Variants in DCBLD1 observed in about 807,000 individuals in gnomAD.
DCBLD1 encodes discoidin, CUB and LCCL domain containing 1, also known as discoidin, CUB and LCCL domain-containing protein 1.
A neutral mutation model predicts 71.5 loss-of-function variants in DCBLD1; 57 were observed. The ratio of observed to expected loss-of-function variants is 0.80; its 90% confidence interval spans 0.64 to 0.99. The LOEUF is 0.99. Ranked by LOEUF, DCBLD1 falls within the 50% of genes least tolerant of loss-of-function variation. The pLI is 0.00. For missense variants in DCBLD1, 891 were observed against 923.5 expected (o/e 0.96, Z 0.46); for synonymous variants, 380 against 363.8 (o/e 1.04, Z -0.51).
chr6:117,514,304 G>A (rs1359780402), intron 2 of DCBLD1, among the ~76,000 whole-genome samples: 2 of 152,092 alleles, frequency 1.3e-5, no homozygotes, highest in Non-Finnish European at 2.9e-5. Flanking sequence ...ATGATGAAAT[G>A]ATCAAAATAA....
chr6:117,557,500 C>T (rs1220701969), intron 14 of DCBLD1, among the ~76,000 whole-genome samples: 1 of 152,102 alleles, frequency 6.6e-6, no homozygotes, highest in Non-Finnish European at 1.5e-5. Context: ...AGACTGGGCA[C>T]GGTGGCCAGT....
At chr6:117,545,347 C>G in intron 13 of DCBLD1, 131 bp from the exon 14 acceptor site, 2 of 1,239,252 alleles carry the variant, frequency 1.6e-6, no homozygotes, top group Non-Finnish European at 2.3e-6. Flanking sequence ...AGCACACACA[C>G]CTGAGGAGGA....
At chr6:117,533,082 T>G (rs1778776548) in intron 6 of DCBLD1, among the ~76,000 whole-genome samples, 1 of 152,112 alleles carries the variant, frequency 6.6e-6, no homozygotes, top group African/African-American at 2.4e-5. Flanking sequence ...CAGTTCAGAA[T>G]GGCCAAGTGG....
chr6:117,562,042 G>A (rs1257809613), intron 14 of DCBLD1: 2 of 206,164 alleles, frequency 9.7e-6, no homozygotes, highest in Non-Finnish European at 2.0e-5. Flanking sequence ...TATTAGCAAA[G>A]CTATCACCTC....
chr6:117,522,481 G>T (rs932889977), intron 4 of DCBLD1, among the ~76,000 whole-genome samples: 1 of 149,476 alleles, frequency 6.7e-6, no homozygotes, highest in African/African-American at 2.5e-5. Context: ...TTGCTCTTTT[G>T]CCCAGGCTGG....
chr6:117,501,864 G>A (rs183453326), intron 1 of DCBLD1, among the ~76,000 whole-genome samples: 1 of 152,226 alleles, frequency 6.6e-6, no homozygotes, highest in Non-Finnish European at 1.5e-5. Flanking sequence ...TACAACCTTT[G>A]GGCCCAAACC....
chr6:117,485,151 C>T (rs779843794), intron 1 of DCBLD1: 3 of 152,146 alleles, frequency 2.0e-5, no homozygotes, highest in Non-Finnish European at 4.4e-5. Flanking sequence ...TGGATTTAGT[C>T]CAAATTTATT....
chr6:117,510,150 T>C (rs1420093399), intron 2 of DCBLD1, among the ~76,000 whole-genome samples: 1 of 152,186 alleles, frequency 6.6e-6, no homozygotes, highest in East Asian at 1.9e-4. Context: ...CGTTGATGCA[T>C]CATCTTGCTT....
chr6:117,514,952 T>TA (rs796751898), intron 2 of DCBLD1, among the ~76,000 whole-genome samples: 187 of 145,242 alleles, frequency 1.3e-3, no homozygotes, highest in African/African-American at 3.9e-3. Context: ...TCATAAAATC[T>TA]AAAAAAAAAA....
At chr6:117,501,934 GGACTGAACA>G (rs1206516854) in intron 1 of DCBLD1, among the ~76,000 whole-genome samples, 1 of 152,004 alleles carries the variant, frequency 6.6e-6, no homozygotes, top group African/African-American at 2.4e-5. Context: ...AATCATTTCT[GGACTGAACA>G]AGGCCTTGGT....
intron 1 of DCBLD1, among the ~76,000 whole-genome samples, chr6:117,500,903 CAT>C (rs938405382): frequency 4.7e-4 from 71 of 151,948 alleles, no homozygotes; most frequent in African/African-American, 1.5e-3. Context: ...TTTGCTGACA[CAT>C]GTCACTTTAA....
chr6:117,559,739 A>G (rs1779547537), intron 14 of DCBLD1, among the ~76,000 whole-genome samples: 1 of 152,102 alleles, frequency 6.6e-6, no homozygotes, highest in Non-Finnish European at 1.5e-5. Flanking sequence ...AAAACCACCT[A>G]AAATAAAATA....
At chr6:117,549,833 G>C, downstream of DCBLD1, 1 of 985,374 alleles carries the variant, frequency 1.0e-6, no homozygotes, top group Non-Finnish European at 1.2e-6. Context: ...CCTGCTCGCT[G>C]GGGTGTTAGA....
chr6:117,504,565 A>G (rs147758641), intron 2 of DCBLD1, among the ~76,000 whole-genome samples: 1 of 152,348 alleles, frequency 6.6e-6, no homozygotes, highest in African/African-American at 2.4e-5. Flanking sequence ...ACATTTGAGC[A>G]GAGACCCAAA....
chr6:117,515,613 C>T (rs1778168411), intron 2 of DCBLD1, among the ~76,000 whole-genome samples: 1 of 152,158 alleles, frequency 6.6e-6, no homozygotes, highest in Non-Finnish European at 1.5e-5. Context: ...CAATCTGACT[C>T]ACCTTAACTT....
chr6:117,545,625 T>A, intron 14 of DCBLD1, 28 bp downstream of exon 14: 1 of 1,600,188 alleles, frequency 6.2e-7, no homozygotes, highest in South Asian at 1.1e-5. Flanking sequence ...AGGACTGTGC[T>A]ATTAGATTGG....
intron 11 of DCBLD1, 43 bp downstream of exon 11, chr6:117,541,068 G>T (rs747350634): frequency 1.3e-6 from 2 of 1,593,594 alleles, no homozygotes; most frequent in East Asian, 4.5e-5. Flanking sequence ...AGCATAACTG[G>T]TAACCCACCC....
chr6:117,542,019 A>C (rs1478949518), intron 11 of DCBLD1, among the ~76,000 whole-genome samples: 2 of 152,196 alleles, frequency 1.3e-5, no homozygotes, highest in Non-Finnish European at 2.9e-5. Flanking sequence ...GCTACCGGGC[A>C]CATTGGCTCA....
At chr6:117,484,065 A>T (rs1383582576) in intron 1 of DCBLD1, among the ~76,000 whole-genome samples, 3 of 152,240 alleles carry the variant, frequency 2.0e-5, no homozygotes, top group Non-Finnish European at 4.4e-5. Context: ...AAATTGTAAT[A>T]AATACGTAAG....
Sources: allele counts gnomAD v4.1 joint callset (sites outside exome capture counted in the v4.1 genomes callset), GRCh38; gene constraint gnomAD v4.1.1; transcripts MANE v1.5; gene names NCBI Gene and HGNC (gene_info 2026-07-23, HGNC 2026-07-21).